The following SPPL3 variants were observed in gnomAD, a reference collection of about 807,000 sequenced individuals.
SPPL3 encodes signal peptide peptidase like 3.
Under a neutral mutation model 42.4 loss-of-function variants are expected in SPPL3, and 5 were observed. The ratio of observed to expected loss-of-function variants is 0.12; its 90% CI spans 0.06 to 0.25. The LOEUF (loss-of-function observed/expected upper bound fraction) is 0.25. Among genes scored for constraint, SPPL3 ranks in the 10% least tolerant of loss-of-function variants. The pLI, the probability that SPPL3 is intolerant of heterozygous loss-of-function variation, is 1.00. For missense variants in SPPL3, 235 were observed against 489.0 expected, an observed-to-expected ratio of 0.48 and a Z score of 4.90; for synonymous variants, 195 against 181.8, an observed-to-expected ratio of 1.07 and a Z score of -0.58.
chr12:120,778,008 ACACT>A (rs1197624009), intron 6 of SPPL3, among the ~76,000 whole-genome samples: 1 of 152,132 alleles, frequency 6.6e-6, no homozygotes, highest in African/African-American at 2.4e-5. Flanking sequence ...TATATGGTAG[ACACT>A]CAAAAAAAGC....
chr12:120,771,178 C>T (rs544509832), intron 6 of SPPL3, among the ~76,000 whole-genome samples: 1 of 152,298 alleles, frequency 6.6e-6, no homozygotes, highest in East Asian at 1.9e-4. Context: ...TTATGGGGCC[C>T]CTAGCTCAAA....
At chr12:120,778,009 C>T (rs1437663826) in intron 6 of SPPL3, among the ~76,000 whole-genome samples, 3 of 150,286 alleles carry the variant, frequency 2.0e-5, no homozygotes, top group South Asian at 4.2e-4. Flanking sequence ...ATATGGTAGA[C>T]ACTCAAAAAA....
In SPPL3 at chr12:120,789,977, C is replaced by A. The variant is rs1869861246; in HGVS notation, c.190+1492G>T. Reference sequence around the variant, plus strand: ...TAGATTTCTTTAGGTTTCTGTGATGCAATGTACAGCAGATTTATAATTTGG... The same window carrying A: ...TAGATTTCTTTAGGTTTCTGTGATGAAATGTACAGCAGATTTATAATTTGG... On this transcript the variant is annotated intron_variant, in intron 3 of 10. Transcript: ENST00000353487. Among the ~76,000 whole-genome samples the A allele has an allele frequency of 3.3e-5, 5 of 151,988 alleles. No homozygotes were observed. In the South Asian group the frequency reaches 8.3e-4, roughly 25 times the overall value.
Position 120,904,232 on chromosome 12 carries a change from CG to C in SPPL3, c.-366del. ...CCCGCGCTCACTGCGCGCGGGGCCG[CG>C]GGAGCGCCGCGCTCGGGCGGCGGCG... is the stretch of plus-strand genomic sequence containing the variant. On this transcript the variant is annotated 5_prime_UTR_variant, in exon 1 of 11. The change abolishes the stop of an existing upstream ORF in the 5' untranslated region. Coordinates refer to ENST00000353487, the MANE Select transcript of SPPL3 (RefSeq NM_139015.5). 1 of 196,198 alleles carries C rather than the reference CG, an allele frequency of 5.1e-6. No homozygotes were observed. 12.2% of individuals were successfully genotyped at this position (196,198 alleles called of 1,614,324 possible).
intron 1 of SPPL3, among the ~76,000 whole-genome samples, chr12:120,859,361 A>G (rs1872558759): frequency 6.6e-6 from 1 of 152,188 alleles, no homozygotes; most frequent in Non-Finnish European, 1.5e-5. Flanking sequence ...GTACTGTGCT[A>G]TGAGAGAAAA....
At chr12:120,798,693 G>A (rs986635052) in intron 2 of SPPL3, among the ~76,000 whole-genome samples, 2 of 152,162 alleles carry the variant, frequency 1.3e-5, no homozygotes, top group African/African-American at 4.8e-5. Context: ...ACTTATGAAT[G>A]GAATAACAAT....
At chr12:120,833,766 A>AGTGTGTGTGTGT (rs71076664) in intron 1 of SPPL3, among the ~76,000 whole-genome samples, 4 of 146,736 alleles carry the variant, frequency 2.7e-5, no homozygotes, top group South Asian at 2.2e-4. Flanking sequence ...TGAGTTTTAA[A>AGTGTGTGTGTGT]GTGTGTGTGT....
In SPPL3 at chr12:120,904,228, G is replaced by A. The variant is rs188499441; in HGVS notation, c.-361C>T. Reference sequence around the variant, plus strand: ...CGGGCCCGCGCTCACTGCGCGCGGGGCCGCGGGAGCGCCGCGCTCGGGCGG... The same window carrying A: ...CGGGCCCGCGCTCACTGCGCGCGGGACCGCGGGAGCGCCGCGCTCGGGCGG... On this transcript the variant is annotated 5_prime_UTR_variant, in exon 1 of 11. Transcript: ENST00000353487. The A allele has an allele frequency of 0.037, 7,442 of 201,592 alleles. 160 individuals are homozygous for A. Among genetic ancestry groups the A allele is most frequent in the South Asian group, 0.066 (401 of 6,120 alleles). 12.5% of individuals were successfully genotyped at this position (201,592 alleles called of 1,614,324 possible).
At chr12:120,804,659 T>C (rs988625403) in intron 2 of SPPL3, among the ~76,000 whole-genome samples, 11 of 152,154 alleles carry the variant, frequency 7.2e-5, no homozygotes, top group African/African-American at 2.7e-4. Context: ...GAATGTACAA[T>C]AGCATAGCTG....
At chr12:120,805,226 T>A (rs1870448180) in intron 2 of SPPL3, among the ~76,000 whole-genome samples, 1 of 152,220 alleles carries the variant, frequency 6.6e-6, no homozygotes, top group South Asian at 2.1e-4. Context: ...AACTTTATGG[T>A]ATTTATCTCT....
intron 2 of SPPL3, among the ~76,000 whole-genome samples, chr12:120,802,166 CTTTA>C (rs1870317842): frequency 6.6e-6 from 1 of 151,782 alleles, no homozygotes; most frequent in African/African-American, 2.4e-5. Flanking sequence ...CTAGGCCTGC[CTTTA>C]GGAACTTCCA....
At chr12:120,768,609 CTG>C in intron 7 of SPPL3, 121 bp from the exon 8 acceptor site, 3 of 1,166,752 alleles carry the variant, frequency 2.6e-6, no homozygotes, top group Non-Finnish European at 3.6e-6. Flanking sequence ...CTTTCGTTGA[CTG>C]TATGATTTGA....
chr12:120,895,678 G>C (rs1489219761), intron 1 of SPPL3, among the ~76,000 whole-genome samples: 2 of 152,192 alleles, frequency 1.3e-5, no homozygotes, highest in Non-Finnish European at 2.9e-5. Flanking sequence ...ATAATGTACA[G>C]AACAAACAGC....
chr12:120,872,082 T>C (rs943890468), intron 1 of SPPL3, among the ~76,000 whole-genome samples: 3 of 152,246 alleles, frequency 2.0e-5, no homozygotes, highest in Admixed American at 6.5e-5. Flanking sequence ...GGATTAGGGA[T>C]ACTCAACCTG....
At chr12:120,812,636 G>A (rs1410637397) in intron 1 of SPPL3, among the ~76,000 whole-genome samples, 10 of 152,160 alleles carry the variant, frequency 6.6e-5, no homozygotes, top group African/African-American at 2.2e-4. Flanking sequence ...GAAAGATCAG[G>A]TAGAAGAAGG....
intron 1 of SPPL3, among the ~76,000 whole-genome samples, chr12:120,891,727 T>C (rs528451854): frequency 9.1e-6 from 1 of 110,334 alleles, no homozygotes; most frequent in Non-Finnish European, 1.9e-5. Flanking sequence ...AAGACTGTTT[T>C]GCAAATTCTA....
chr12:120,891,629 G>A (rs1873643779), intron 1 of SPPL3, among the ~76,000 whole-genome samples: 1 of 151,236 alleles, frequency 6.6e-6, no homozygotes, highest in Non-Finnish European at 1.5e-5. Flanking sequence ...TTGTTCAAAA[G>A]CTAGTTTACA....
chr12:120,834,640 TCA>T (rs1054878197), intron 1 of SPPL3, among the ~76,000 whole-genome samples: 16 of 152,306 alleles, frequency 1.1e-4, no homozygotes, highest in African/African-American at 3.6e-4. Flanking sequence ...TCCTTTTCTT[TCA>T]CAGTGAACAG....
chr12:120,863,511 A>C (rs1454144813), intron 1 of SPPL3, among the ~76,000 whole-genome samples: 2 of 152,154 alleles, frequency 1.3e-5, no homozygotes, highest in Non-Finnish European at 2.9e-5. Flanking sequence ...CTGTACTATG[A>C]TATATAGTTT....
Sources: gnomAD v4.1 joint callset for allele counts (sites outside exome capture counted in the v4.1 genomes callset) on GRCh38, gnomAD v4.1.1 for gene constraint, MANE v1.5 for transcripts, NCBI Gene and HGNC (gene_info 2026-07-23, HGNC 2026-07-21) for gene names.